Variants in PKD1L1 observed in about 807,000 individuals in gnomAD.
PKD1L1 encodes the protein polycystin-1-like protein 1.
PKD1L1 carries 236 observed loss-of-function variants against 323.4 expected under a neutral mutation model. That is an observed-to-expected ratio of 0.73 (90% CI 0.66 to 0.81). The LOEUF is 0.81. PKD1L1 is among the 40% of genes least tolerant of loss of function. The pLI, the probability that PKD1L1 is intolerant of heterozygous loss-of-function variation, is 0.00. For synonymous variants in PKD1L1, 1,344 were observed against 1,335.0 expected (o/e 1.01, Z -0.15); for missense variants, 3,320 against 3,508.0 (o/e 0.95, Z 1.35).
chr7:47,866,345 G>T, intron 25 of PKD1L1, 74 bp downstream of exon 25: 2 of 1,484,750 alleles, frequency 1.3e-6, no homozygotes, highest in Non-Finnish European at 9.1e-7. Flanking sequence ...ACTTGCTAGT[G>T]AGCCAGCCAG....
chr7:47,884,496 T>C, intron 19 of PKD1L1, 102 bp downstream of exon 19: 1 of 1,005,184 alleles, frequency 9.9e-7, no homozygotes, highest in Non-Finnish European at 1.6e-6. Context: ...TCTGTGGAGC[T>C]CTCAGTGGCT....
In PKD1L1 at chr7:47,881,978, G is replaced by A; in HGVS notation, c.3373C>T (p.Pro1125Ser). ...TTGGGCCAGTCAATCATGAGGACAG[G>A]CTCGGCTCTGCCTGCAGACAGGGAG... is the stretch of plus-strand genomic sequence containing the variant. ...DPSLSAGRAE[P>S]VLMIDWPKAL... The change falls in exon 20 of 57, where the codon CCT (proline) becomes TCT (serine). Residue 1125 changes from proline to serine, a missense_variant. Physicochemically the swap from Pro to Ser is moderately conservative, Grantham distance 74. Transcript: ENST00000289672. The A allele has an allele frequency of 6.2e-7, 1 of 1,614,054 alleles. No individual in the cohort carries two copies.
At chr7:47,829,900 G>C in intron 43 of PKD1L1, 140 bp downstream of exon 43, 2 of 853,814 alleles carry the variant, frequency 2.3e-6, no homozygotes, top group Non-Finnish European at 3.8e-6. Context: ...ACAGAGCCTG[G>C]CTCCTGGTTC....
chr7:47,919,897 C>T (rs964741773), intron 7 of PKD1L1, among the ~76,000 whole-genome samples: 1 of 152,090 alleles, frequency 6.6e-6, no homozygotes, highest in Non-Finnish European at 1.5e-5. Flanking sequence ...ATGACAGACC[C>T]ACAGCCAACA....
intron 8 of PKD1L1, among the ~76,000 whole-genome samples, chr7:47,912,198 AG>A (rs1443242237): frequency 6.6e-6 from 1 of 152,212 alleles, no homozygotes; most frequent in African/African-American, 2.4e-5. Flanking sequence ...AAGGAAACAA[AG>A]TCAACATTTT....
Position 47,829,431 on chromosome 7 carries a change from A to G in PKD1L1, c.6729T>C (p.Val2243=). 1 of 1,587,774 alleles carries G rather than the reference A, an allele frequency of 6.3e-7. No individual in the cohort carries two copies. The highest frequency in any genetic ancestry group is 1.2e-5 in the South Asian group (1 of 86,446). ...SCSIPDCAGE[V]EKVLAARQQA... is the part of the protein sequence containing the mutation. ...CATAGGTAATTTTTTTTACTTTTTC[A>G]ACCTCGCCTGCACAGTCAGGAATAC... is the stretch of plus-strand genomic sequence containing the variant. The change falls in exon 44 of 57, where the codon GTT becomes GTC. Residue 2243 remains valine (V), a synonymous_variant. Transcript: ENST00000289672.
intron 16 of PKD1L1, among the ~76,000 whole-genome samples, chr7:47,888,433 C>T (rs76987319): frequency 0.053 from 8,005 of 152,266 alleles, 544 homozygotes; most frequent in African/African-American, 0.16. Flanking sequence ...AGTCACACAG[C>T]GGTGAGGGCA....
intron 36 of PKD1L1, among the ~76,000 whole-genome samples, chr7:47,838,734 CG>C (rs1785505509): frequency 6.6e-6 from 1 of 151,748 alleles, no homozygotes; most frequent in Non-Finnish European, 1.5e-5. Context: ...AAAAATTAGC[CG>C]GGCATGGTGG....
chr7:47,835,305 C>A, intron 37 of PKD1L1, 62 bp from the exon 38 acceptor site: 1 of 1,047,754 alleles, frequency 9.5e-7, no homozygotes, highest in South Asian at 1.5e-5. Context: ...AAAACGCAGT[C>A]ATTGTGTAAT....
chr7:47,850,911 T>A (rs1359534762), intron 31 of PKD1L1, among the ~76,000 whole-genome samples: 2 of 152,130 alleles, frequency 1.3e-5, no homozygotes, highest in African/African-American at 4.8e-5. Context: ...GTGTATACTG[T>A]AGGATAGAGC....
chr7:47,821,426 G>A (rs537740466), intron 45 of PKD1L1, among the ~76,000 whole-genome samples: 7 of 151,906 alleles, frequency 4.6e-5, no homozygotes, highest in South Asian at 4.2e-4. Flanking sequence ...GTGCCACCAC[G>A]CTCGGCTAAC....
At chr7:47,809,334 G>T in intron 51 of PKD1L1, 139 bp downstream of exon 51, 1 of 634,448 alleles carries the variant, frequency 1.6e-6, no homozygotes, top group Non-Finnish European at 2.6e-6. Context: ...GCTGTTTTGA[G>T]ATTAACACTA....
chr7:47,783,092 C>T (rs937498041), intron 56 of PKD1L1, among the ~76,000 whole-genome samples: 1 of 152,110 alleles, frequency 6.6e-6, no homozygotes, highest in Non-Finnish European at 1.5e-5. Flanking sequence ...TTCCTGCGTT[C>T]TGTAACTTAG....
chr7:47,814,044 G>A (rs1784963246), intron 47 of PKD1L1, 30 bp from the exon 48 acceptor site: 2 of 1,593,856 alleles, frequency 1.3e-6, no homozygotes, highest in South Asian at 2.2e-5. Context: ...GATGAGGACT[G>A]GGTGTGCTGT....
At chr7:47,781,416 T>G (rs1393579761) in intron 56 of PKD1L1, among the ~76,000 whole-genome samples, 6 of 128,620 alleles carry the variant, frequency 4.7e-5, no homozygotes, top group African/African-American at 8.7e-5. Context: ...TTTGTTTTTT[T>G]TTTTTTTTTT....
chr7:47,914,761 TC>T lies in PKD1L1; in HGVS notation c.1228+670del, dbSNP rs549207961. 4.8e-4 allele frequency among the ~76,000 whole-genome samples: 71 copies of T among 149,280 alleles called. 4 individuals are homozygous for T. The South Asian group carries it at 0.015, about 32-fold the overall frequency. ...TCTCTCTCTTTTCTCCCCCCCAACA[TC>T]CCCTCTCCCTCATCAGCCTTTCCCA... On this transcript the variant is annotated intron_variant, in intron 8 of 56. Transcript: ENST00000289672.
rs57025714 is a variant in PKD1L1 at position 47,923,270 on chromosome 7, G to A, written c.1060+5934C>T. On this transcript the variant is annotated intron_variant, in intron 7 of 56. Transcript: ENST00000289672. ...TGTTTATCTGCTGACCTTCCCTCCA[G>A]TATTGTCCTATGACCCTGCCAAATC... is the stretch of plus-strand genomic sequence containing the variant. Among the ~76,000 whole-genome samples the A allele has an allele frequency of 2.0e-5, 3 of 148,340 alleles. No individual in the cohort carries two copies. The South Asian group carries it at 6.4e-4, about 32-fold the overall frequency.
At chr7:47,913,289 A>G (rs1787361317) in intron 8 of PKD1L1, among the ~76,000 whole-genome samples, 1 of 152,212 alleles carries the variant, frequency 6.6e-6, no homozygotes, top group African/African-American at 2.4e-5. Flanking sequence ...ACCAAACAGG[A>G]ACACCATGCC....
chr7:47,887,473 C>T (rs901434894), intron 17 of PKD1L1, among the ~76,000 whole-genome samples: 1 of 152,246 alleles, frequency 6.6e-6, no homozygotes, highest in Non-Finnish European at 1.5e-5. Flanking sequence ...ACACATTTTA[C>T]TTAGCCCTGA....
Sources: allele counts gnomAD v4.1 joint callset (sites outside exome capture counted in the v4.1 genomes callset), GRCh38; gene constraint gnomAD v4.1.1; transcripts MANE v1.5; gene names NCBI Gene and HGNC (gene_info 2026-07-23, HGNC 2026-07-21).